BBX: variants seen among roughly 807,000 people sequenced by gnomAD.
The protein encoded by BBX is BBX high mobility group box domain containing.
Under a neutral mutation model 100.2 loss-of-function variants are expected in BBX, and 30 were observed. That is an observed-to-expected ratio of 0.30 (90% CI 0.22 to 0.41). BBX has a LOEUF of 0.41. BBX is among the 10% of genes least tolerant of loss of function. The pLI, the probability that BBX is intolerant of heterozygous loss-of-function variation, is 1.00. For missense variants in BBX, 1,023 were observed against 1,129.8 expected, an observed-to-expected ratio of 0.91 and a Z score of 1.35; for synonymous variants, 376 against 388.1, an observed-to-expected ratio of 0.97 and a Z score of 0.37.
At chr3:107,753,838 T>G (rs902448574) in intron 9 of BBX, among the ~76,000 whole-genome samples, 1 of 152,252 alleles carries the variant, frequency 6.6e-6, no homozygotes, top group Non-Finnish European at 1.5e-5. Flanking sequence ...ATTACTAAAT[T>G]TAATAAATAT....
At chr3:107,688,912 A>G (rs2059996328) in intron 3 of BBX, among the ~76,000 whole-genome samples, 1 of 152,170 alleles carries the variant, frequency 6.6e-6, no homozygotes, top group South Asian at 2.1e-4. Flanking sequence ...CAGCAAGCAG[A>G]ATTCTCCTTT....
intron 2 of BBX, among the ~76,000 whole-genome samples, chr3:107,546,638 A>G (rs2049260362): frequency 6.6e-6 from 1 of 152,210 alleles, no homozygotes; most frequent in East Asian, 1.9e-4. Context: ...CTTCTGAGTT[A>G]AATAATTTAA....
chr3:107,544,274 T>G (rs190295664), intron 2 of BBX, among the ~76,000 whole-genome samples: 2 of 152,346 alleles, frequency 1.3e-5, no homozygotes, highest in Non-Finnish European at 2.9e-5. Context: ...ACTTTATTTC[T>G]AAGTGTTGGA....
intron 5 of BBX, among the ~76,000 whole-genome samples, chr3:107,722,369 G>A (rs2062606829): frequency 1.3e-5 from 2 of 151,990 alleles, no homozygotes; most frequent in South Asian, 4.1e-4. Context: ...TTTAAAAGTA[G>A]TAAAATTATA....
chr3:107,616,005 CTTTTTTTTTTTTTTTTTTTTTTT>C (rs59614452), intron 2 of BBX, among the ~76,000 whole-genome samples: 3 of 19,218 alleles, frequency 1.6e-4, no homozygotes, highest in African/African-American at 7.7e-4. Context: ...TACTCACCTG[CTTTTTTTTTTTTTTTTTTTTTTT>C]TTTTTTTTTT....
At chr3:107,686,233 T>C (rs1026503645) in intron 3 of BBX, among the ~76,000 whole-genome samples, 1 of 152,204 alleles carries the variant, frequency 6.6e-6, no homozygotes, top group Non-Finnish European at 1.5e-5. Context: ...GATTCACTTT[T>C]ACAGATCATT....
chr3:107,626,670 T>A (rs2107710700), intron 2 of BBX, among the ~76,000 whole-genome samples: 1 of 151,764 alleles, frequency 6.6e-6, no homozygotes, highest in Non-Finnish European at 1.5e-5. Flanking sequence ...TTTTTTTTTT[T>A]TTGAGATGGA....
At chr3:107,745,229 A>G (rs1056350227) in intron 8 of BBX, among the ~76,000 whole-genome samples, 2 of 152,192 alleles carry the variant, frequency 1.3e-5, no homozygotes, top group Non-Finnish European at 1.5e-5. Flanking sequence ...GAGATGGTGT[A>G]TAAAAGCACA....
intron 2 of BBX, among the ~76,000 whole-genome samples, chr3:107,628,211 A>T (rs193021881): frequency 6.6e-6 from 1 of 152,248 alleles, no homozygotes; most frequent in Admixed American, 6.5e-5. Context: ...CCAACTTTAA[A>T]GATAGAAATT....
At chr3:107,636,373 G>A (rs954380419) in intron 2 of BBX, among the ~76,000 whole-genome samples, 2 of 152,160 alleles carry the variant, frequency 1.3e-5, no homozygotes, top group Admixed American at 1.3e-4. Flanking sequence ...GCAGGCAAAA[G>A]CATACATGTC....
In BBX at chr3:107,778,472, A is replaced by G. The variant is rs766538284; in HGVS notation, c.2156A>G (p.Lys719Arg). Residue 719 changes from lysine to arginine, a missense_variant, in exon 13 of 18, where the codon AAG becomes AGG. By Grantham distance (26) the Lys-to-Arg change is conservative. Around this residue, in one of 9 missense-constraint regions of BBX, gnomAD observed 215 missense variants for 211.3 expected, o/e 1.02. Coordinates refer to ENST00000325805, the MANE Select transcript of BBX (RefSeq NM_001142568.3). Reference sequence around the variant, plus strand: ...AAATGTGTACCTGTCCCAAGAAAAAAGAAGAAGACTGGAAATGTGTCCTCA... The same window carrying G: ...AAATGTGTACCTGTCCCAAGAAAAAGGAAGAAGACTGGAAATGTGTCCTCA... ...DRKCVPVPRK[K>R]KKTGNVSSEP... The G allele has an allele frequency of 6.2e-7, 1 of 1,613,286 alleles. No individual in the cohort carries two copies.
intron 3 of BBX, among the ~76,000 whole-genome samples, chr3:107,702,628 A>C (rs974796751): frequency 6.6e-6 from 1 of 152,168 alleles, no homozygotes; most frequent in African/African-American, 2.4e-5. Flanking sequence ...ATTACCCTCA[A>C]GGGTCTCTGT....
chr3:107,668,875 C>G (rs2058883173), intron 3 of BBX, among the ~76,000 whole-genome samples: 1 of 152,130 alleles, frequency 6.6e-6, no homozygotes, highest in Non-Finnish European at 1.5e-5. Flanking sequence ...TTTGTACTTA[C>G]TATGGTTGAC....
At chr3:107,732,674 G>A (rs1035861807) in intron 6 of BBX, among the ~76,000 whole-genome samples, 3 of 152,154 alleles carry the variant, frequency 2.0e-5, no homozygotes, top group Admixed American at 6.5e-5. Flanking sequence ...AAGAAACATT[G>A]CATTAGGAGA....
At chr3:107,523,957 G>A (rs2047553365) in intron 1 of BBX, 1 of 151,780 alleles carries the variant, frequency 6.6e-6, no homozygotes, top group African/African-American at 2.4e-5. Context: ...AGAGGGCGAG[G>A]GAGAAGGGGA....
chr3:107,565,498 TCTCA>T (rs1345170265), intron 2 of BBX, among the ~76,000 whole-genome samples: 1 of 145,094 alleles, frequency 6.9e-6, no homozygotes, highest in African/African-American at 2.5e-5. Flanking sequence ...TGAGACGGAG[TCTCA>T]CTCTGTTGCC....
At chr3:107,646,026 A>AT (rs1352758835) in intron 3 of BBX, 117 bp downstream of exon 3, 2 of 152,360 alleles carry the variant, frequency 1.3e-5, no homozygotes, top group African/African-American at 4.8e-5. Context: ...ATCATTGGAT[A>AT]TTTTTTTCTT....
chr3:107,672,149 C>A (rs950944615), intron 3 of BBX, among the ~76,000 whole-genome samples: 4 of 152,020 alleles, frequency 2.6e-5, no homozygotes, highest in Non-Finnish European at 5.9e-5. Context: ...AGAATTAGAG[C>A]AGATGTATTA....
intron 3 of BBX, among the ~76,000 whole-genome samples, chr3:107,695,068 T>G (rs1422558251): frequency 6.8e-6 from 1 of 147,068 alleles, no homozygotes; most frequent in African/African-American, 2.6e-5. Context: ...TTATTGTGTC[T>G]ATTTGATTCT....
Sources: allele counts gnomAD v4.1 joint callset (sites outside exome capture counted in the v4.1 genomes callset), GRCh38; gene constraint gnomAD v4.1.1; regional missense constraint gnomAD v4.1.1; transcripts MANE v1.5; gene names NCBI Gene and HGNC (gene_info 2026-07-23, HGNC 2026-07-21).